The following SF3B3 variants were observed in gnomAD, a reference collection of about 807,000 sequenced individuals.
SF3B3 encodes the protein SAP 130.
In SF3B3, 33 loss-of-function variants were observed where a neutral mutation model predicts 139.2. That is an observed-to-expected ratio of 0.24 (90% CI 0.18 to 0.32). SF3B3 has a LOEUF of 0.32. SF3B3 is among the 10% of genes least tolerant of loss of function. The pLI is 1.00. For missense variants in SF3B3, 818 were observed against 1,509.4 expected (o/e 0.54, Z 7.59); for synonymous variants, 596 against 563.6 (o/e 1.06, Z -0.81).
At chr16:70,528,515 A>G (rs1055124030) in intron 2 of SF3B3, among the ~76,000 whole-genome samples, 6 of 136,460 alleles carry the variant, frequency 4.4e-5, no homozygotes, top group African/African-American at 1.7e-4. Context: ...TGCGTTTCCC[A>G]GGATGGAGTG....
rs1390403617 is a variant in SF3B3, at chr16:70,575,150, A to G, written c.*3337A>G. On this transcript the variant is annotated 3_prime_UTR_variant, in exon 26 of 26. Coordinates refer to ENST00000302516, the MANE Select transcript of SF3B3 (RefSeq NM_012426.5). ...CTACACACCAGTCTGAACCAGCACA[A>G]CCAAGAGTTGTTTCTCTTTTTTTTC... is the stretch of plus-strand genomic sequence containing the variant. 6.6e-6 allele frequency: 1 copy of G among 151,320 alleles called. No homozygotes were observed. The highest frequency in any genetic ancestry group is 2.4e-5 in the African/African-American group (1 of 41,080). The allele number at this position is 151,320 out of a possible 1,614,324, so 9.4% of individuals were successfully genotyped here. A position where few individuals can be genotyped will look rare whatever the true frequency, so the allele number is the denominator to read the frequency against.
At position 70,541,650 on chromosome 16, in the gene SF3B3, C is replaced by G; in HGVS notation, c.1068-19C>G. 2 of 1,607,186 alleles carry G rather than the reference C, an allele frequency of 1.2e-6. No individual in the cohort carries two copies. Among genetic ancestry groups the G allele is most frequent in the South Asian group, 2.2e-5 (2 of 90,596 alleles). On this transcript the variant is annotated intron_variant, in intron 8 of 25. Transcript: ENST00000302516. ...AGAGAACTCGTTACCGAAAGTTTCT[C>G]TCCTCTGCTTCTTCCCAGTTACTTA... is the stretch of plus-strand genomic sequence containing the variant.
At chr16:70,529,361 TTCTTTTAAAACAATGGGAAAAATC>T (rs1442721525) in intron 3 of SF3B3, 162 bp downstream of exon 3, 9 of 606,886 alleles carry the variant, frequency 1.5e-5, no homozygotes, top group Non-Finnish European at 2.6e-5. Flanking sequence ...GAGTTGCATT[TTCTTTTAAAACAATGGGAAAAATC>T]TTAACACACC....
chr16:70,545,306 A>G (rs751436426), intron 10 of SF3B3, among the ~76,000 whole-genome samples: 11 of 152,206 alleles, frequency 7.2e-5, no homozygotes, highest in Non-Finnish European at 1.2e-4. Context: ...GGGTCAAGCA[A>G]TCTGCCTGCC....
chr16:70,570,016 T>G lies in SF3B3; in HGVS notation c.3275T>G (p.Ile1092Ser). The change falls in exon 24 of 26, where the codon ATC becomes AGC. Residue 1092 changes from isoleucine to serine, a missense_variant. Physicochemically the swap from Ile to Ser is moderately radical, Grantham distance 142. Transcript: ENST00000302516. The part of the protein sequence containing the change: ...LNGASQKAEV[I>S]MNYHVGETVL... The stretch of plus-strand genomic sequence containing the variant: ...GTTTGTGACTCACAGGCAGAGGTGA[T>G]CATGAACTACCATGTCGGGGAGACG... The G allele has an allele frequency of 6.2e-7, 1 of 1,614,058 alleles. No homozygotes were observed. The highest frequency in any genetic ancestry group is 8.5e-7 in the Non-Finnish European group (1 of 1,179,956).
At chr16:70,527,315 A>G (rs1307454618) in intron 2 of SF3B3, among the ~76,000 whole-genome samples, 2 of 152,242 alleles carry the variant, frequency 1.3e-5, no homozygotes, top group Admixed American at 1.3e-4. Flanking sequence ...AGGAAATACA[A>G]AGTTACTGAA....
At chr16:70,550,288 A>T (rs1196453823) in intron 11 of SF3B3, 2 of 152,230 alleles carry the variant, frequency 1.3e-5, no homozygotes, top group Admixed American at 1.3e-4. Flanking sequence ...GTTAAAGGAG[A>T]GGGCATGTGT....
chr16:70,565,603 C>G, intron 20 of SF3B3, 79 bp downstream of exon 20: 1 of 1,322,112 alleles, frequency 7.6e-7, no homozygotes, highest in Non-Finnish European at 1.1e-6. Flanking sequence ...TGGATCAGGT[C>G]TTTTGGGGAC....
intron 7 of SF3B3, 114 bp downstream of exon 7, chr16:70,538,574 C>A: frequency 1.2e-6 from 1 of 860,834 alleles, no homozygotes; most frequent in Non-Finnish European, 1.8e-6. Flanking sequence ...GCCCTTGGAA[C>A]CGGTATATGA....
intron 2 of SF3B3, among the ~76,000 whole-genome samples, chr16:70,527,647 G>C (rs181710015): frequency 1.3e-5 from 2 of 152,206 alleles, no homozygotes; most frequent in African/African-American, 2.4e-5. Flanking sequence ...ACGTATATGG[G>C]AATTTGGAGA....
At position 70,539,124 on chromosome 16, in the gene SF3B3, A is replaced by G. The variant is rs752411673; in HGVS notation, c.984A>G (p.Lys328=). Residue 328 remains lysine (K), a synonymous_variant, in exon 8 of 26, where the codon AAA becomes AAG. Coordinates refer to ENST00000302516, the MANE Select transcript of SF3B3 (RefSeq NM_012426.5). ...ACCAGGTTACTGAGATCCGGCTCAA[A>G]TATTTTGATACTGTACCCGTTGCTG... ...DEDMVTEIRL[K]YFDTVPVAAA... 1.2e-6 allele frequency: 2 copies of G among 1,614,046 alleles called. No individual in the cohort carries two copies. Among genetic ancestry groups the G allele is most frequent in the South Asian group, 1.1e-5 (1 of 91,086 alleles).
chr16:70,530,614 A>AG, intron 3 of SF3B3, 131 bp from the exon 4 acceptor site: 1 of 811,028 alleles, frequency 1.2e-6, no homozygotes, highest in Non-Finnish European at 2.0e-6. Context: ...CAGAATCCTG[A>AG]GTTTTTATAC....
intron 3 of SF3B3, among the ~76,000 whole-genome samples, chr16:70,530,330 T>A (rs977492480): frequency 7.1e-6 from 1 of 141,296 alleles, no homozygotes; most frequent in Admixed American, 6.7e-5. Flanking sequence ...TTTTTTTTTT[T>A]TCAAATGAGG....
chr16:70,533,704 ATCTAG>A (rs2050141955), intron 5 of SF3B3, among the ~76,000 whole-genome samples: 1 of 152,222 alleles, frequency 6.6e-6, no homozygotes, highest in Non-Finnish European at 1.5e-5. Context: ...GGGAAAACTG[ATCTAG>A]TTCTATTTTG....
In SF3B3 at chr16:70,565,230, C is replaced by G; in HGVS notation, c.2629C>G (p.Leu877Val). The G allele has an allele frequency of 6.2e-7, 1 of 1,614,216 alleles. No individual in the cohort carries two copies. The highest frequency in any genetic ancestry group is 8.5e-7 in the Non-Finnish European group (1 of 1,180,030). ...GATGAATCCCATTCAAGGGAACACA[C>G]TGGACCTTGTCCAGCTGGAACAGAA... ...RVMNPIQGNTLDLVQLEQNEA... is the reference protein window; with the variant it reads ...RVMNPIQGNTVDLVQLEQNEA... The change falls in exon 19 of 26, where the codon CTG becomes GTG. Residue 877 changes from leucine to valine, a missense_variant. By Grantham distance (32) the Leu-to-Val change is conservative. Coordinates refer to ENST00000302516, the MANE Select transcript of SF3B3 (RefSeq NM_012426.5).
chr16:70,569,905 A>T, intron 23 of SF3B3, 101 bp from the exon 24 acceptor site: 1 of 1,321,226 alleles, frequency 7.6e-7, no homozygotes, highest in Non-Finnish European at 1.1e-6. Context: ...TTTGGATGTT[A>T]ATAGATGATG....
At chr16:70,569,931 A>T in intron 23 of SF3B3, 75 bp from the exon 24 acceptor site, 3 of 1,531,928 alleles carry the variant, frequency 2.0e-6, no homozygotes, top group Non-Finnish European at 2.7e-6. Flanking sequence ...TGCCTTAGGG[A>T]GCACTGCTTG....
chr16:70,547,680 G>A (rs549701181), intron 10 of SF3B3, among the ~76,000 whole-genome samples: 4 of 152,230 alleles, frequency 2.6e-5, no homozygotes, highest in Admixed American at 6.5e-5. Flanking sequence ...CGCAACCTCC[G>A]CCTCCCGGGT....
intron 21 of SF3B3, 155 bp downstream of exon 21, chr16:70,567,691 T>G (rs545486330): frequency 9.8e-6 from 10 of 1,024,294 alleles, no homozygotes; most frequent in Admixed American, 3.4e-5. Flanking sequence ...TGTTTTTTTG[T>G]TTTTTGGTTT....
Sources: allele counts gnomAD v4.1 joint callset (sites outside exome capture counted in the v4.1 genomes callset), GRCh38; gene constraint gnomAD v4.1.1; transcripts MANE v1.5; gene names NCBI Gene and HGNC (gene_info 2026-07-23, HGNC 2026-07-21).